Variants in C1GALT1 observed in about 807,000 individuals in gnomAD.
The protein encoded by C1GALT1 is glycoprotein-N-acetylgalactosamine 3-beta-galactosyltransferase 1.
C1GALT1 carries 11 observed loss-of-function variants against 31.0 expected under a neutral mutation model. The observed-to-expected ratio is 0.36, with a 90% CI of 0.22 to 0.59. The LOEUF is 0.59. Among genes scored for constraint, C1GALT1 ranks in the 20% least tolerant of loss-of-function variants. C1GALT1 has a pLI of 0.79. For synonymous variants in C1GALT1, 175 were observed against 143.6 expected (o/e 1.22, Z -1.56); for missense variants, 424 against 425.2 (o/e 1.00, Z 0.03).
chr7:7,244,839 A>G lies in C1GALT1; in HGVS notation c.*1112A>G, dbSNP rs1236098959. On this transcript the variant is annotated 3_prime_UTR_variant, in exon 4 of 4. Coordinates refer to ENST00000436587, the MANE Select transcript of C1GALT1 (RefSeq NM_020156.5). The stretch of plus-strand genomic sequence containing the variant: ...TGATGAGAATTAAAAACAATAGAAA[A>G]TGTAGAGTGCTTAAACAAAAATGTT... The G allele has an allele frequency of 6.6e-6, 1 of 152,194 alleles. No homozygotes were observed. The highest frequency in any genetic ancestry group is 1.5e-5 in the Non-Finnish European group (1 of 68,012). The allele number at this position is 152,194 out of a possible 1,614,324, so 9.4% of individuals were successfully genotyped here.
chr7:7,182,314 T>A (rs1305366273), upstream of C1GALT1, among the ~76,000 whole-genome samples: 1 of 152,170 alleles, frequency 6.6e-6, no homozygotes, highest in East Asian at 1.9e-4. Flanking sequence ...AGCTAGTGCA[T>A]AACCTTACAG....
At chr7:7,164,875 G>A (rs1421786401) in intron 2 of C1GALT1, among the ~76,000 whole-genome samples, 1 of 152,122 alleles carries the variant, frequency 6.6e-6, no homozygotes, top group Non-Finnish European at 1.5e-5. Context: ...CCTGAAGGAG[G>A]AACAGGGCAA....
At chr7:7,234,272 TATAAC>T (rs1783232815) in intron 1 of C1GALT1, 26 bp from the exon 2 acceptor site, 1 of 1,529,660 alleles carries the variant, frequency 6.5e-7, no homozygotes, top group African/African-American at 1.4e-5. Flanking sequence ...GCTTTGATTT[TATAAC>T]ATCCTGCTAA....
intron 1 of C1GALT1, among the ~76,000 whole-genome samples, chr7:7,209,952 G>T (rs2128238523): frequency 6.6e-6 from 1 of 152,226 alleles, no homozygotes; most frequent in African/African-American, 2.4e-5. Context: ...AGGGGCGGGG[G>T]ACACAAGGTG....
intron 1 of C1GALT1, among the ~76,000 whole-genome samples, chr7:7,233,376 A>G (rs1783181543): frequency 1.3e-5 from 2 of 151,922 alleles, no homozygotes; most frequent in South Asian, 4.1e-4. Flanking sequence ...TGATTCTCCC[A>G]CCTTATTCTT....
intron 2 of C1GALT1, among the ~76,000 whole-genome samples, chr7:7,235,542 C>T (rs964697697): frequency 6.6e-6 from 1 of 152,142 alleles, no homozygotes; most frequent in Non-Finnish European, 1.5e-5. Flanking sequence ...GTAGCATAGC[C>T]ACATGTCTTT....
intron 1 of C1GALT1, among the ~76,000 whole-genome samples, chr7:7,184,659 T>C (rs1780734710): frequency 6.6e-6 from 1 of 152,238 alleles, no homozygotes; most frequent in Admixed American, 6.5e-5. Context: ...CTTTGTGTGG[T>C]AAAATCATTG....
intron 2 of C1GALT1, among the ~76,000 whole-genome samples, chr7:7,237,467 G>A (rs1280142296): frequency 5.9e-5 from 9 of 152,200 alleles, no homozygotes; most frequent in African/African-American, 1.9e-4. Flanking sequence ...GGTTCTGATA[G>A]TAGGCCTTTT....
Position 7,214,519 on chromosome 7 carries a change from AT to A in C1GALT1, c.-17-19783del, listed in dbSNP as rs565047322. On this transcript the variant is annotated intron_variant, in intron 1 of 3. Coordinates refer to ENST00000436587, the MANE Select transcript of C1GALT1 (RefSeq NM_020156.5). ...GCACTCTTTAAGGAAATCCTTTTAA[AT>A]CCCCTGTTACTTGACTTTAGCCATG... Among the ~76,000 whole-genome samples, 608 of 152,348 alleles carry A rather than the reference AT, an allele frequency of 4.0e-3. 2 individuals are homozygous for A. Among genetic ancestry groups the A allele is most frequent in the Non-Finnish European group, 5.9e-3 (402 of 68,036 alleles).
intron 1 of C1GALT1, among the ~76,000 whole-genome samples, chr7:7,187,828 T>A (rs1780888872): frequency 6.6e-6 from 1 of 152,198 alleles, no homozygotes; most frequent in Non-Finnish European, 1.5e-5. Flanking sequence ...ACATAAATTA[T>A]AAGGCACAGA....
At chr7:7,242,820 T>A (rs749305454) in intron 3 of C1GALT1, among the ~76,000 whole-genome samples, 2 of 152,132 alleles carry the variant, frequency 1.3e-5, no homozygotes, top group East Asian at 1.9e-4. Context: ...CCACCTGATA[T>A]GATTTTTCAG....
intron 1 of C1GALT1, among the ~76,000 whole-genome samples, chr7:7,219,187 A>G (rs62450007): frequency 0.19 from 28,531 of 152,200 alleles, 2,915 homozygotes; most frequent in Middle Eastern, 0.29. Context: ...AACAGGTAGA[A>G]GGTTTAACAT....
Position 7,209,897 on chromosome 7 carries a change from A to G in C1GALT1, c.-17-24406A>G, listed in dbSNP as rs547353405. Among the ~76,000 whole-genome samples, 15 of 152,198 alleles carry G rather than the reference A, an allele frequency of 9.9e-5. 1 individual carries two copies. In the South Asian group the frequency reaches 2.5e-3, roughly 25 times the overall value. On this transcript the variant is annotated intron_variant, in intron 1 of 3. Coordinates refer to ENST00000436587, the MANE Select transcript of C1GALT1 (RefSeq NM_020156.5). ...CTATTTATAAAAATAGGATTTGGGT[A>G]GGTAGTGGAAAATTACAGTCAAAGG... is the stretch of plus-strand genomic sequence containing the variant.
At chr7:7,220,933 G>GT (rs1370713973) in intron 1 of C1GALT1, among the ~76,000 whole-genome samples, 1 of 152,282 alleles carries the variant, frequency 6.6e-6, no homozygotes, top group East Asian at 1.9e-4. Flanking sequence ...TTTCAATGTT[G>GT]TGCAAGTCCA....
At chr7:7,219,162 T>C (rs1782393505) in intron 1 of C1GALT1, among the ~76,000 whole-genome samples, 1 of 152,350 alleles carries the variant, frequency 6.6e-6, no homozygotes, top group East Asian at 1.9e-4. Context: ...TTTCATAAAA[T>C]ACATGATTTG....
In C1GALT1 at chr7:7,174,783, T is replaced by C. The variant is rs1351514126; in HGVS notation, c.-18+17357T>C. 2.6e-5 allele frequency among the ~76,000 whole-genome samples: 4 copies of C among 152,050 alleles called. No homozygotes were observed. The East Asian group carries it at 7.7e-4, about 29-fold the overall frequency. Reference sequence around the variant, plus strand: ...TTATTTTTCAGCTTCAGAATTTCTGTTTGGTTCCTTTTCATAACTACTATC... The same window carrying C: ...TTATTTTTCAGCTTCAGAATTTCTGCTTGGTTCCTTTTCATAACTACTATC... On this transcript the variant is annotated intron_variant, in intron 2 of 3. Coordinates refer to the C1GALT1 transcript ENST00000429911.
intron 1 of C1GALT1, among the ~76,000 whole-genome samples, chr7:7,226,076 C>T (rs192467946): frequency 1.1e-4 from 16 of 152,198 alleles, no homozygotes; most frequent in Non-Finnish European, 1.8e-4. Flanking sequence ...ATACTGCTAT[C>T]GAGTTTTCAG....
At chr7:7,208,139 C>G (rs1332834861) in intron 1 of C1GALT1, among the ~76,000 whole-genome samples, 1 of 151,978 alleles carries the variant, frequency 6.6e-6, no homozygotes, top group East Asian at 1.9e-4. Context: ...TAGCAGCTGT[C>G]TTGATTATTA....
chr7:7,202,363 T>A (rs1006691287), intron 1 of C1GALT1, among the ~76,000 whole-genome samples: 2 of 152,346 alleles, frequency 1.3e-5, no homozygotes, highest in Admixed American at 1.3e-4. Flanking sequence ...TTATGCGCCC[T>A]GTCTGCCATT....
Sources: gnomAD v4.1 joint callset for allele counts (sites outside exome capture counted in the v4.1 genomes callset) on GRCh38, gnomAD v4.1.1 for gene constraint, MANE v1.5 for transcripts, NCBI Gene and HGNC (gene_info 2026-07-23, HGNC 2026-07-21) for gene names.